The following COL19A1 variants were observed in gnomAD, a reference collection of about 807,000 sequenced individuals.
The protein encoded by COL19A1 is collagen type XIX alpha 1 chain, also known as collagen alpha-1(XIX) chain.
In COL19A1, 159 loss-of-function variants were observed where a neutral mutation model predicts 190.2. The observed-to-expected ratio is 0.84, with a 90% confidence interval of 0.73 to 0.95. The LOEUF is 0.95. Ranked by LOEUF, COL19A1 falls within the 40% of genes least tolerant of loss-of-function variation. The probability of loss-of-function intolerance (pLI) is 0.00; values close to 1 mark genes in which losing one functional copy is unlikely to be tolerated. For missense variants in COL19A1, 1,418 were observed against 1,431.9 expected (o/e 0.99, Z 0.16); for synonymous variants, 509 against 458.9 (o/e 1.11, Z -1.39).
intron 16 of COL19A1, among the ~76,000 whole-genome samples, chr6:70,109,914 G>T (rs1197804391): frequency 6.6e-6 from 1 of 152,128 alleles, no homozygotes; most frequent in Non-Finnish European, 1.5e-5. Flanking sequence ...TTGGGGCAAT[G>T]AAAATACATA....
At chr6:69,867,424 C>A (rs12192756) in intron 1 of COL19A1, 2,153 of 153,860 alleles carry the variant, frequency 0.014, 29 homozygotes, top group Non-Finnish European at 0.02. Flanking sequence ...CCAGTCGCGG[C>A]GCGAGGAAGA....
intron 11 of COL19A1, among the ~76,000 whole-genome samples, chr6:69,971,598 G>A (rs548840311): frequency 6.6e-6 from 1 of 152,208 alleles, no homozygotes; most frequent in South Asian, 2.1e-4. Context: ...AGAAAAACAC[G>A]GACTAGTTCA....
intron 16 of COL19A1, among the ~76,000 whole-genome samples, chr6:70,119,826 C>G (rs954400248): frequency 6.6e-6 from 1 of 152,208 alleles, no homozygotes; most frequent in South Asian, 2.1e-4. Flanking sequence ...CCCGCTGGCT[C>G]ACGCCTGTAA....
Position 70,141,356 on chromosome 6 carries a change from T to C in COL19A1, c.1482+367T>C, listed in dbSNP as rs183594012. Among the ~76,000 whole-genome samples the C allele has an allele frequency of 8.8e-4, 134 of 152,214 alleles. 1 individual carries two copies. The highest frequency in any genetic ancestry group is 3.1e-3 in the African/African-American group (128 of 41,568). Reference sequence around the variant, plus strand: ...AATTCTGTTAATGGCACAAAGTGGATTTATCAAATATATTAATAAGTCACA... The same window carrying C: ...AATTCTGTTAATGGCACAAAGTGGACTTATCAAATATATTAATAAGTCACA... On this transcript the variant is annotated intron_variant, in intron 20 of 50. Coordinates refer to ENST00000620364, the MANE Select transcript of COL19A1 (RefSeq NM_001858.6).
chr6:70,082,879 G>C (rs1279592754), intron 15 of COL19A1, among the ~76,000 whole-genome samples: 1 of 152,182 alleles, frequency 6.6e-6, no homozygotes, highest in Non-Finnish European at 1.5e-5. Context: ...CTCATAAGGA[G>C]CGTGTAGCCT....
chr6:70,065,798 G>A (rs1295449294), intron 14 of COL19A1, among the ~76,000 whole-genome samples: 1 of 152,114 alleles, frequency 6.6e-6, no homozygotes, highest in Non-Finnish European at 1.5e-5. Context: ...AGTGGGCAAA[G>A]GGTATGTACA....
chr6:70,040,029 G>T (rs1441456270), intron 14 of COL19A1, among the ~76,000 whole-genome samples: 1 of 151,886 alleles, frequency 6.6e-6, no homozygotes, highest in Non-Finnish European at 1.5e-5. Context: ...GCCTCCCAAA[G>T]TGTTGGAATT....
chr6:69,993,041 A>G (rs1203376513), intron 11 of COL19A1, among the ~76,000 whole-genome samples: 2 of 152,106 alleles, frequency 1.3e-5, no homozygotes, highest in African/African-American at 4.8e-5. Context: ...CCAGTTCTCA[A>G]GGAGAATGCT....
intron 24 of COL19A1, among the ~76,000 whole-genome samples, 169 bp from the exon 25 acceptor site, chr6:70,144,749 G>A (rs914311069): frequency 6.6e-6 from 1 of 152,104 alleles, no homozygotes; most frequent in South Asian, 2.1e-4. Flanking sequence ...GCATGAATTA[G>A]GTACTCAATA....
chr6:69,968,875 C>T (rs1775264839), intron 11 of COL19A1, among the ~76,000 whole-genome samples: 1 of 152,084 alleles, frequency 6.6e-6, no homozygotes, highest in South Asian at 2.1e-4. Flanking sequence ...AATCAACATT[C>T]TTAGTTTCTG....
At chr6:70,077,876 A>C (rs1445666767) in intron 15 of COL19A1, among the ~76,000 whole-genome samples, 1 of 152,168 alleles carries the variant, frequency 6.6e-6, no homozygotes, top group African/African-American at 2.4e-5. Flanking sequence ...TCAGTCTTAG[A>C]ACATACAATG....
intron 4 of COL19A1, among the ~76,000 whole-genome samples, chr6:69,916,812 G>T (rs1443475564): frequency 1.3e-5 from 2 of 152,136 alleles, no homozygotes; most frequent in African/African-American, 4.8e-5. Context: ...TGGTAATGAT[G>T]AGGGGAATTT....
At chr6:69,874,903 T>C (rs185066313) in intron 1 of COL19A1, among the ~76,000 whole-genome samples, 284 of 152,328 alleles carry the variant, frequency 1.9e-3, no homozygotes, top group African/African-American at 6.6e-3. Context: ...TCACTGTATC[T>C]CAAGATTTGT....
chr6:69,887,886 G>A (rs555387445), intron 2 of COL19A1, among the ~76,000 whole-genome samples: 5 of 152,176 alleles, frequency 3.3e-5, no homozygotes, highest in African/African-American at 1.2e-4. Flanking sequence ...GGCTCCTCCC[G>A]CTAAAAAGGG....
At chr6:69,982,276 C>T (rs565182135) in intron 11 of COL19A1, among the ~76,000 whole-genome samples, 8 of 152,022 alleles carry the variant, frequency 5.3e-5, no homozygotes, top group African/African-American at 1.9e-4. Context: ...ACTGCTACCT[C>T]TGTCTCCCAG....
chr6:70,141,788 C>T, intron 20 of COL19A1, 105 bp from the exon 21 acceptor site: 1 of 740,880 alleles, frequency 1.3e-6, no homozygotes, highest in Middle Eastern at 3.9e-4. Context: ...CCATAATTTC[C>T]CTTTTTATTG....
At chr6:70,182,746 G>T (rs1008891193) in intron 44 of COL19A1, among the ~76,000 whole-genome samples, 11 of 152,326 alleles carry the variant, frequency 7.2e-5, no homozygotes, top group Admixed American at 2.6e-4. Context: ...CAGAAACGTA[G>T]AGGTCATTGG....
intron 11 of COL19A1, among the ~76,000 whole-genome samples, chr6:70,018,737 C>T (rs991647217): frequency 1.3e-5 from 2 of 152,060 alleles, no homozygotes; most frequent in African/African-American, 4.8e-5. Context: ...ATGTTTTGAG[C>T]TACGTATCAT....
At chr6:69,891,557 G>C (rs749567191) in intron 2 of COL19A1, among the ~76,000 whole-genome samples, 1 of 152,156 alleles carries the variant, frequency 6.6e-6, no homozygotes, top group Non-Finnish European at 1.5e-5. Context: ...GGGTACATGA[G>C]GGAGAGAGGG....
Sources: allele counts gnomAD v4.1 joint callset (sites outside exome capture counted in the v4.1 genomes callset), GRCh38; gene constraint gnomAD v4.1.1; transcripts MANE v1.5; gene names NCBI Gene and HGNC (gene_info 2026-07-23, HGNC 2026-07-21).